Variants in TCF4 observed in about 807,000 individuals in gnomAD.
TCF4 encodes the protein SL3-3 enhancer factor 2.
A neutral mutation model predicts 82.1 loss-of-function variants in TCF4; 3 were observed. That is an observed-to-expected ratio of 0.04 (90% CI 0.02 to 0.09). The LOEUF (loss-of-function observed/expected upper bound fraction) is 0.09. Ranked by LOEUF, TCF4 falls within the 10% of genes least tolerant of loss-of-function variation. The pLI, the probability that TCF4 is intolerant of heterozygous loss-of-function variation, is 1.00. For missense variants in TCF4, 518 were observed against 852.7 expected (o/e 0.61, Z 4.89); for synonymous variants, 276 against 309.6 (o/e 0.89, Z 1.14).
chr18:55,573,323 C>G (rs2097494504), intron 3 of TCF4, among the ~76,000 whole-genome samples: 1 of 151,006 alleles, frequency 6.6e-6, no homozygotes, highest in Non-Finnish European at 1.5e-5. Context: ...AAACAAGTAG[C>G]CACTATGAAT....
At chr18:55,455,859 T>G (rs2095741509) in intron 5 of TCF4, among the ~76,000 whole-genome samples, 2 of 152,358 alleles carry the variant, frequency 1.3e-5, no homozygotes, top group South Asian at 4.1e-4. Context: ...TAGTCATGCT[T>G]TTCCTTTGTA....
intron 3 of TCF4, among the ~76,000 whole-genome samples, chr18:55,576,943 G>A (rs909145681): frequency 1.3e-4 from 19 of 151,270 alleles, no homozygotes; most frequent in African/African-American, 4.6e-4. Context: ...GTGTAGCCCA[G>A]GGAAGCCAAA....
chr18:55,422,492 T>G (rs2094809216), intron 5 of TCF4: 1 of 972,672 alleles, frequency 1.0e-6, no homozygotes, highest in Admixed American at 6.2e-5. Context: ...TACTTTCCTA[T>G]TATTAAAAAA....
chr18:55,260,330 T>C (rs534985090), intron 12 of TCF4, among the ~76,000 whole-genome samples: 1 of 150,524 alleles, frequency 6.6e-6, no homozygotes, highest in South Asian at 2.1e-4. Context: ...GCAGATACTT[T>C]GAACTTTCCT....
chr18:55,297,792 A>C (rs2066986323), intron 8 of TCF4, among the ~76,000 whole-genome samples: 1 of 152,160 alleles, frequency 6.6e-6, no homozygotes, highest in South Asian at 2.1e-4. Flanking sequence ...CAAAAAAAAA[A>C]CTAGCAATTT....
At chr18:55,412,345 G>C (rs919630739) in intron 5 of TCF4, among the ~76,000 whole-genome samples, 1 of 147,906 alleles carries the variant, frequency 6.8e-6, no homozygotes, top group Admixed American at 6.6e-5. Context: ...CAATAATGAA[G>C]GCTGTTTTTT....
Position 55,279,612 on chromosome 18 carries a change from C to G in TCF4, c.594G>C (p.Ser198=). 6.2e-7 allele frequency: 1 copy of G among 1,613,932 alleles called. No homozygotes were observed. Among genetic ancestry groups the G allele is most frequent in the East Asian group, 2.2e-5 (1 of 44,868 alleles). The change falls in exon 9 of 20, where the codon TCG becomes TCC. Residue 198 remains serine (S), a synonymous_variant. Transcript: ENST00000354452. The part of the protein sequence containing the change: ...SASTADYNRD[S]PGYPSSKPAT... ...CTGGTTTGGAGGAAGGATAGCCTGG[C>G]GAGTCCCTATTGTAGTCGGCAGTGC...
intron 3 of TCF4, among the ~76,000 whole-genome samples, chr18:55,466,978 T>A (rs938545564): frequency 6.6e-6 from 1 of 152,178 alleles, no homozygotes; most frequent in Non-Finnish European, 1.5e-5. Flanking sequence ...CTTCCTGACC[T>A]CACGCTGCTG....
intron 6 of TCF4, among the ~76,000 whole-genome samples, chr18:55,370,602 T>C (rs921440082): frequency 2.0e-5 from 3 of 152,238 alleles, no homozygotes; most frequent in African/African-American, 7.2e-5. Flanking sequence ...CATGGCGATG[T>C]TTTTCTCAGA....
In TCF4 at chr18:55,231,726, TA is replaced by T. The variant is rs1488297183; in HGVS notation, c.1649+782del. 7 of 152,302 alleles carry T rather than the reference TA, an allele frequency of 4.6e-5. No homozygotes were observed. The East Asian group carries it at 1.3e-3, about 29-fold the overall frequency. 9.4% of individuals were successfully genotyped at this position (152,302 alleles called of 1,614,324 possible). A position where few individuals can be genotyped will look rare whatever the true frequency, so the allele number is the denominator to read the frequency against. ...AAGACACGGAATTTATCTCAATAAT[TA>T]CAACAGCAACATAAAGAGGCAGCAT... is the stretch of plus-strand genomic sequence containing the variant. On this transcript the variant is annotated intron_variant, in intron 17 of 19. Coordinates refer to ENST00000354452, the MANE Select transcript of TCF4 (RefSeq NM_001083962.2).
Position 55,223,217 on chromosome 18 carries a change from TTTTC to T in TCF4, c.*4814_*4817del, listed in dbSNP as rs2046101640. 1 of 152,156 alleles carries T rather than the reference TTTTC, an allele frequency of 6.6e-6. No individual in the cohort carries two copies. The highest frequency in any genetic ancestry group is 2.4e-5 in the African/African-American group (1 of 41,442). The allele number at this position is 152,156 out of a possible 1,614,324, so 9.4% of individuals were successfully genotyped here. A position where few individuals can be genotyped will look rare whatever the true frequency, so the allele number is the denominator to read the frequency against. ...TTCAATTAGTTAATCCTCTAGACAG[TTTTC>T]TTTTTGTTTTGCATGCATCCCGTTC... On this transcript the variant is annotated 3_prime_UTR_variant, in exon 20 of 20. Coordinates refer to ENST00000354452, the MANE Select transcript of TCF4 (RefSeq NM_001083962.2).
chr18:55,309,509 T>C (rs2071570023), intron 8 of TCF4, among the ~76,000 whole-genome samples: 1 of 152,206 alleles, frequency 6.6e-6, no homozygotes. Flanking sequence ...TGATGACTCC[T>C]GCATCACCTA....
chr18:55,616,334 T>C (rs2097711888), intron 2 of TCF4, among the ~76,000 whole-genome samples: 1 of 152,148 alleles, frequency 6.6e-6, no homozygotes, highest in Non-Finnish European at 1.5e-5. Flanking sequence ...TATTCCATGG[T>C]GTATATGCCA....
intron 8 of TCF4, among the ~76,000 whole-genome samples, chr18:55,323,861 A>G (rs2076123753): frequency 6.6e-6 from 1 of 152,220 alleles, no homozygotes; most frequent in African/African-American, 2.4e-5. Context: ...TTCCATGGGT[A>G]GACTGCTAGA....
intron 3 of TCF4, among the ~76,000 whole-genome samples, chr18:55,464,853 AC>A (rs1039458929): frequency 5.9e-5 from 9 of 152,232 alleles, no homozygotes; most frequent in African/African-American, 2.2e-4. Flanking sequence ...GAAAAGACCT[AC>A]ATGAACCATC....
intron 8 of TCF4, chr18:55,321,802 C>CT: frequency 6.6e-7 from 1 of 1,511,300 alleles, no homozygotes; most frequent in Non-Finnish European, 8.8e-7. Flanking sequence ...CTCGCTGTCC[C>CT]TTTTTTCACA....
At chr18:55,409,709 A>G (rs933097397) in intron 5 of TCF4, among the ~76,000 whole-genome samples, 1 of 152,198 alleles carries the variant, frequency 6.6e-6, no homozygotes, top group Non-Finnish European at 1.5e-5. Context: ...TTAAATTTTT[A>G]TTTTATTTAA....
At chr18:55,635,003 G>A (rs1307438063) in intron 1 of TCF4, among the ~76,000 whole-genome samples, 1 of 152,202 alleles carries the variant, frequency 6.6e-6, no homozygotes, top group Non-Finnish European at 1.5e-5. Flanking sequence ...CCAAATGGAG[G>A]TGTATTAGAG....
intron 16 of TCF4, among the ~76,000 whole-genome samples, chr18:55,233,830 A>C (rs2144644095): frequency 6.6e-6 from 1 of 151,998 alleles, no homozygotes; most frequent in Admixed American, 6.6e-5. Flanking sequence ...AAAAAAAAAA[A>C]AAAAAGTCCA....
Sources: gnomAD v4.1 joint callset for allele counts (sites outside exome capture counted in the v4.1 genomes callset) on GRCh38, gnomAD v4.1.1 for gene constraint, MANE v1.5 for transcripts, NCBI Gene and HGNC (gene_info 2026-07-23, HGNC 2026-07-21) for gene names.